ARHGAP32: variants seen among roughly 807,000 people sequenced by gnomAD.
ARHGAP32 encodes the protein rho GTPase-activating protein 32.
A neutral mutation model predicts 186.5 loss-of-function variants in ARHGAP32; 51 were observed. The ratio of observed to expected loss-of-function variants is 0.27; its 90% confidence interval spans 0.22 to 0.35. The LOEUF is 0.35. Ranked by LOEUF, ARHGAP32 falls within the 10% of genes least tolerant of loss-of-function variation. The pLI is 1.00. For synonymous variants in ARHGAP32, 950 were observed against 964.3 expected (o/e 0.99, Z 0.27); for missense variants, 2,186 against 2,623.5 (o/e 0.83, Z 3.64).
At chr11:129,023,869 G>A (rs1938711017) in intron 11 of ARHGAP32, 2 of 982,100 alleles carry the variant, frequency 2.0e-6, no homozygotes, top group Non-Finnish European at 2.4e-6. Context: ...CTCTTGTTGT[G>A]GTACAAGTTT....
At chr11:129,222,958 G>A (rs1420149375) in intron 1 of ARHGAP32, among the ~76,000 whole-genome samples, 4 of 152,106 alleles carry the variant, frequency 2.6e-5, no homozygotes, top group African/African-American at 9.7e-5. Flanking sequence ...TAGAAATAAT[G>A]CAAGTGGTAT....
At chr11:128,973,484 C>T (rs1322997131) in intron 21 of ARHGAP32, 52 bp from the exon 22 acceptor site, 36 of 1,585,840 alleles carry the variant, frequency 2.3e-5, no homozygotes, top group Middle Eastern at 2.2e-4. Context: ...CTTACGTTAT[C>T]CTAAATGGAA....
chr11:129,219,371 T>C (rs1036368187), intron 1 of ARHGAP32, among the ~76,000 whole-genome samples: 14 of 152,198 alleles, frequency 9.2e-5, no homozygotes, highest in Non-Finnish European at 1.6e-4. Flanking sequence ...ACAAAGCATA[T>C]CTTTTCCTTC....
At chr11:129,058,250 A>C (rs1940343768) in intron 10 of ARHGAP32, among the ~76,000 whole-genome samples, 1 of 144,864 alleles carries the variant, frequency 6.9e-6, no homozygotes, top group Non-Finnish European at 1.5e-5. Context: ...ATATATATAT[A>C]TATCTCATAT....
At chr11:129,086,820 C>CAA (rs150471534) in intron 6 of ARHGAP32, among the ~76,000 whole-genome samples, 115 of 77,956 alleles carry the variant, frequency 1.5e-3, no homozygotes, top group Middle Eastern at 7.1e-3. Context: ...GACTCCATCT[C>CAA]AAAAAAAAAA....
chr11:129,188,628 C>T (rs1944211670), intron 1 of ARHGAP32, among the ~76,000 whole-genome samples: 1 of 152,108 alleles, frequency 6.6e-6, no homozygotes, highest in Non-Finnish European at 1.5e-5. Flanking sequence ...AATAATGCAA[C>T]CAACCAACGA....
intron 16 of ARHGAP32, 46 bp from the exon 17 acceptor site, chr11:128,981,607 G>A (rs771667672): frequency 4.5e-6 from 7 of 1,556,590 alleles, no homozygotes; most frequent in Non-Finnish European, 5.2e-6. Context: ...GATAGCAGTC[G>A]TCAAGGGCCT....
chr11:129,032,020 T>C (rs1280181540), intron 11 of ARHGAP32, among the ~76,000 whole-genome samples: 5 of 152,082 alleles, frequency 3.3e-5, no homozygotes, highest in Admixed American at 2.6e-4. Context: ...TCCCCATCCC[T>C]CTGAGAGCCA....
At chr11:129,244,675 AG>A (rs1432927550) in intron 1 of ARHGAP32, among the ~76,000 whole-genome samples, 1 of 152,012 alleles carries the variant, frequency 6.6e-6, no homozygotes, top group Non-Finnish European at 1.5e-5. Context: ...ACAAAATGGG[AG>A]AAAATTTTCG....
intron 11 of ARHGAP32, among the ~76,000 whole-genome samples, chr11:129,025,857 A>T (rs1037257181): frequency 1.3e-5 from 2 of 148,766 alleles, no homozygotes; most frequent in Non-Finnish European, 3.0e-5. Flanking sequence ...TATTATATAT[A>T]ACATATTATT....
rs1313124746 is a variant in ARHGAP32 at position 129,123,733 on chromosome 11, C to T, written c.359+155G>A. Among the ~76,000 whole-genome samples, 1 of 151,954 alleles carries T rather than the reference C, an allele frequency of 6.6e-6. No individual in the cohort carries two copies. Among genetic ancestry groups the T allele is most frequent in the Non-Finnish European group, 1.5e-5 (1 of 67,970 alleles). Reference sequence around the variant, plus strand: ...ATTACATTTAGTGTACAGATCAAAACCCAAAATAAAAAAAGCATCACCGTT... The same window carrying T: ...ATTACATTTAGTGTACAGATCAAAATCCAAAATAAAAAAAGCATCACCGTT... On this transcript the variant is annotated intron_variant, in intron 4 of 22. Coordinates refer to ENST00000682385, the MANE Select transcript of ARHGAP32 (RefSeq NM_001378024.1). This position sits in a 1 kb window ranked among gnomAD's most constrained non-coding sequence, Gnocchi z 4.6.
At chr11:129,010,036 T>C (rs1052954699) in intron 11 of ARHGAP32, among the ~76,000 whole-genome samples, 4 of 152,230 alleles carry the variant, frequency 2.6e-5, no homozygotes, top group African/African-American at 4.8e-5. Flanking sequence ...TGGTATCTCA[T>C]TGTGGTTTTG....
intron 10 of ARHGAP32, among the ~76,000 whole-genome samples, chr11:129,054,870 AAAAG>A (rs1940187820): frequency 6.6e-6 from 1 of 152,228 alleles, no homozygotes; most frequent in Non-Finnish European, 1.5e-5. Context: ...GAAGTTTAAG[AAAAG>A]AAAGAGAGTC....
chr11:129,252,201 T>A (rs545030849), intron 1 of ARHGAP32, among the ~76,000 whole-genome samples: 1 of 152,306 alleles, frequency 6.6e-6, no homozygotes, highest in South Asian at 2.1e-4. Context: ...TTGGTTTATT[T>A]CCAATTTTAC....
chr11:128,973,643 C>T (rs1001734356), intron 21 of ARHGAP32: 4 of 589,380 alleles, frequency 6.8e-6, no homozygotes, highest in Non-Finnish European at 1.2e-5. Context: ...ATAAAGACTG[C>T]AATCTCTTCT....
At chr11:129,063,638 G>A (rs893061711) in intron 9 of ARHGAP32, among the ~76,000 whole-genome samples, 1 of 151,964 alleles carries the variant, frequency 6.6e-6, no homozygotes, top group Non-Finnish European at 1.5e-5. Flanking sequence ...AGGTTTTGGG[G>A]GGTATGTATT....
chr11:128,996,664 T>G (rs1946208920), intron 12 of ARHGAP32, among the ~76,000 whole-genome samples: 1 of 152,174 alleles, frequency 6.6e-6, no homozygotes. Flanking sequence ...TGTGACATGG[T>G]TCTAAAACCA....
At chr11:129,089,710 T>C (rs76413709) in intron 6 of ARHGAP32, among the ~76,000 whole-genome samples, 2 of 152,198 alleles carry the variant, frequency 1.3e-5, no homozygotes, top group African/African-American at 4.8e-5. Flanking sequence ...CTAACAATAT[T>C]TGATTTACAT....
upstream of ARHGAP32, among the ~76,000 whole-genome samples, chr11:129,194,141 G>A (rs1472097521): frequency 6.6e-6 from 1 of 152,126 alleles, no homozygotes; most frequent in East Asian, 1.9e-4. Flanking sequence ...AAACATGCCT[G>A]TCAGTGGGAG....
Sources: gnomAD v4.1 joint callset for allele counts (sites outside exome capture counted in the v4.1 genomes callset) on GRCh38, gnomAD v4.1.1 for gene constraint, Gnocchi (gnomAD v3.1) non-coding constraint, MANE v1.5 for transcripts, NCBI Gene and HGNC (gene_info 2026-07-23, HGNC 2026-07-21) for gene names.